The following KDM6B variants were observed in gnomAD, a reference collection of about 807,000 sequenced individuals.
KDM6B encodes lysine-specific demethylase 6B.
Under a neutral mutation model 150.4 loss-of-function variants are expected in KDM6B, and 22 were observed. The ratio of observed to expected loss-of-function variants is 0.15; its 90% confidence interval spans 0.10 to 0.21. The LOEUF (loss-of-function observed/expected upper bound fraction) is 0.21, where lower values mean the gene tolerates loss of function less well. Among genes scored for constraint, KDM6B ranks in the 10% least tolerant of loss-of-function variants. KDM6B has a pLI of 1.00. For missense variants in KDM6B, 1,984 were observed against 2,234.3 expected, an observed-to-expected ratio of 0.89 and a Z score of 2.26; for synonymous variants, 1,148 against 921.1, an observed-to-expected ratio of 1.25 and a Z score of -4.46.
In KDM6B at chr17:7,847,107, G is replaced by A. The variant is rs759516965; in HGVS notation, c.912G>A (p.Glu304=). 1.9e-6 allele frequency: 3 copies of A among 1,612,342 alleles called. No individual in the cohort carries two copies. The highest frequency in any genetic ancestry group is 1.1e-5 in the South Asian group (1 of 91,072). The change falls in exon 11 of 24, where the codon GAG becomes GAA. Residue 304 remains glutamate (E), a splice_region_variant and synonymous_variant. Coordinates refer to ENST00000448097, the MANE Select transcript of KDM6B (RefSeq NM_001348716.2). ...RKGSAPPERQ[E]QRHSLPHPYP... ...GCATCCCTGTTTATCTCCTATAGGA[G>A]CAGCGGCACTCGCTGCCTCACCCAT...
chr17:7,842,907 G>A (rs985636806), intron 2 of KDM6B, among the ~76,000 whole-genome samples: 2 of 152,138 alleles, frequency 1.3e-5, no homozygotes, highest in African/African-American at 2.4e-5. Flanking sequence ...CCTGGGTCCC[G>A]GGTGCGGACA....
intron 14 of KDM6B, among the ~76,000 whole-genome samples, chr17:7,850,622 GAATCTTT>G (rs1409282617): frequency 1.3e-5 from 2 of 152,198 alleles, no homozygotes; most frequent in Non-Finnish European, 2.9e-5. Flanking sequence ...TCACTTGACT[GAATCTTT>G]AATCTTTAAT....
chr17:7,850,921 C>T (rs971687109), intron 14 of KDM6B, 100 bp from the exon 15 acceptor site: 1 of 1,083,358 alleles, frequency 9.2e-7, no homozygotes, highest in Non-Finnish European at 1.4e-6. Flanking sequence ...CTATGACCAC[C>T]CTGTCAGAGC....
In KDM6B at chr17:7,852,488, C is replaced by T. The variant is rs982250603; in HGVS notation, c.4469-7C>T. On this transcript the variant is annotated splice_polypyrimidine_tract_variant and splice_region_variant and intron_variant, in intron 20 of 23. Transcript: ENST00000448097. Reference sequence around the variant, plus strand: ...AGAGTCCTGTTGTGATCGCCTTTGGCCCGCAGCCTATCAGTACCAGCTGGC... The same window carrying T: ...AGAGTCCTGTTGTGATCGCCTTTGGTCCGCAGCCTATCAGTACCAGCTGGC... The T allele has an allele frequency of 1.9e-6, 3 of 1,605,576 alleles. No homozygotes were observed. The highest frequency in any genetic ancestry group is 2.6e-6 in the Non-Finnish European group (3 of 1,176,212).
chr17:7,854,783 A>C lies in KDM6B; in HGVS notation c.*1262A>C, dbSNP rs2078778006. On this transcript the variant is annotated 3_prime_UTR_variant, in exon 24 of 24. Coordinates refer to ENST00000448097, the MANE Select transcript of KDM6B (RefSeq NM_001348716.2). ...GTGAGAATATTAATATTAAAAATAA[A>C]CGGAGAAAAAAAATCCTGTTTCGCT... 1.2e-5 allele frequency: 5 copies of C among 401,452 alleles called. No homozygotes were observed. The Admixed American group carries it at 2.1e-4, about 17-fold the overall frequency. The allele number at this position is 401,452 out of a possible 1,614,324, so 24.9% of individuals were successfully genotyped here.
Position 7,849,317 on chromosome 17 carries a change from C to G in KDM6B, c.3029C>G (p.Pro1010Arg), listed in dbSNP as rs866173757. ...AGGGCAAAGGCCAAGGCCAAGGTCCCCAAAGAAAAGAGCCGCCGGGTGCTG... is the reference window on the plus strand; with the variant it reads ...AGGGCAAAGGCCAAGGCCAAGGTCCGCAAAGAAAAGAGCCGCCGGGTGCTG... ...EGRAKAKAKVPKEKSRRVLGN... is the reference protein window; with the variant it reads ...EGRAKAKAKVRKEKSRRVLGN... Residue 1010 changes from proline to arginine, a missense_variant, in exon 12 of 24, where the codon CCC becomes CGC. Pro to Arg is a moderately radical substitution (Grantham distance 103). Around this residue, in one of 13 missense-constraint regions of KDM6B, gnomAD observed 1,379 missense variants for 1,275.6 expected, o/e 1.08. Transcript: ENST00000448097. 1.3e-6 allele frequency: 2 copies of G among 1,565,094 alleles called. No individual in the cohort carries two copies. Among genetic ancestry groups the G allele is most frequent in the Middle Eastern group, 1.7e-4 (1 of 5,922 alleles).
intron 7 of KDM6B, 29 bp from the exon 8 acceptor site, chr17:7,846,371 G>GGGCCGGGGCCCGGGCCCCCC: frequency 6.7e-7 from 1 of 1,488,924 alleles, no homozygotes; most frequent in Non-Finnish European, 9.2e-7. Flanking sequence ...CCTGACATCT[G>GGGCCGGGGCCCGGGCCCCCC]CCCCTGCCCC....
intron 18 of KDM6B, 71 bp from the exon 19 acceptor site, chr17:7,851,880 C>T: frequency 3.8e-6 from 6 of 1,588,548 alleles, no homozygotes; most frequent in Admixed American, 1.8e-5. Flanking sequence ...CCAATGAGGG[C>T]AGAGGGCGGG....
In KDM6B at chr17:7,849,138, G is replaced by C; in HGVS notation, c.2850G>C (p.Glu950Asp). ...DTAEPADSGT[E>D]RLLPPAQAKE... Reference sequence around the variant, plus strand: ...CAGAGCCAGCGGACAGTGGGACTGAGCGACTGCTGCCCCCCGCACAGGCCA... The same window carrying C: ...CAGAGCCAGCGGACAGTGGGACTGACCGACTGCTGCCCCCCGCACAGGCCA... Residue 950 changes from glutamate to aspartate, a missense_variant, in exon 12 of 24, where the codon GAG (glutamate) becomes GAC (aspartate). By Grantham distance (45) the Glu-to-Asp change is conservative. Coordinates refer to ENST00000448097, the MANE Select transcript of KDM6B (RefSeq NM_001348716.2). The C allele has an allele frequency of 6.2e-7, 1 of 1,612,192 alleles. No homozygotes were observed. Among genetic ancestry groups the C allele is most frequent in the Non-Finnish European group, 8.5e-7 (1 of 1,179,762 alleles).
Position 7,851,084 on chromosome 17 carries a change from G to A in KDM6B, c.3737G>A (p.Arg1246His), listed in dbSNP as rs760199993. Residue 1246 changes from arginine to histidine, a missense_variant, in exon 15 of 24, where the codon CGC becomes CAC. Arg to His is a conservative substitution (Grantham distance 29). Around this residue, in one of 13 missense-constraint regions of KDM6B, gnomAD observed 25 missense variants for 36.4 expected, o/e 0.69. Coordinates refer to ENST00000448097, the MANE Select transcript of KDM6B (RefSeq NM_001348716.2). ...EASGEHTVEV[R>H]TQVQQPSDEN... ...AGTGGCGAACACACCGTGGAAGTTC[G>A]CACCCAGGTGCAGCAGCCCTCAGAT... The A allele has an allele frequency of 6.2e-7, 1 of 1,613,502 alleles. No individual in the cohort carries two copies. Among genetic ancestry groups the A allele is most frequent in the Non-Finnish European group, 8.5e-7 (1 of 1,180,014 alleles).
At chr17:7,850,505 C>A (rs1168108555) in intron 14 of KDM6B, among the ~76,000 whole-genome samples, 2 of 152,218 alleles carry the variant, frequency 1.3e-5, no homozygotes. Context: ...CAAACACATA[C>A]AAAATTAGAG....
At chr17:7,841,535 CA>C (rs1302468263) in intron 2 of KDM6B, among the ~76,000 whole-genome samples, 11 of 152,208 alleles carry the variant, frequency 7.2e-5, no homozygotes, top group Admixed American at 1.3e-4. Context: ...AGGAGCTAGG[CA>C]GACACACAGA....
chr17:7,843,292 C>T lies in KDM6B; in HGVS notation c.-268-1609C>T, dbSNP rs1025259085. ...GCCTCGGTACTCGGGTGGGGGCAGT[C>T]ACGGAGGGCCATACTTGACCACAGT... On this transcript the variant is annotated intron_variant, in intron 2 of 23. Coordinates refer to ENST00000448097, the MANE Select transcript of KDM6B (RefSeq NM_001348716.2). This position sits in a 1 kb window ranked among gnomAD's most constrained non-coding sequence, Gnocchi z 4.5. Among the ~76,000 whole-genome samples, 1 of 152,162 alleles carries T rather than the reference C, an allele frequency of 6.6e-6. No individual in the cohort carries two copies. The highest frequency in any genetic ancestry group is 1.5e-5 in the Non-Finnish European group (1 of 68,024).
Position 7,851,046 on chromosome 17 carries a change from C to T in KDM6B, c.3699C>T (p.Thr1233=), listed in dbSNP as rs749443254. Residue 1233 remains threonine, a synonymous_variant, in exon 15 of 24, where the codon ACC becomes ACT. Transcript: ENST00000448097. The part of the protein sequence containing the change: ...RLNLGLFSTK[T]LVEASGEHTV... Reference sequence around the variant, plus strand: ...ACTTGGGCCTCTTCTCCACCAAGACCCTGGTGGAAGCGAGTGGCGAACACA... The same window carrying T: ...ACTTGGGCCTCTTCTCCACCAAGACTCTGGTGGAAGCGAGTGGCGAACACA... 2 of 1,611,692 alleles carry T rather than the reference C, an allele frequency of 1.2e-6. No homozygotes were observed. Among genetic ancestry groups the T allele is most frequent in the South Asian group, 1.1e-5 (1 of 90,786 alleles).
Position 7,850,184 on chromosome 17 carries a change from A to G in KDM6B, c.3673+7A>G. ...GCGGGCTCCCTGCGGCTCAGTGAGT[A>G]TGGGGGGCAGAAAGTGTTAGGGAGG... On this transcript the variant is annotated splice_region_variant and intron_variant, in intron 14 of 23. Transcript: ENST00000448097. 1 of 1,609,586 alleles carries G rather than the reference A, an allele frequency of 6.2e-7. No individual in the cohort carries two copies. Among genetic ancestry groups the G allele is most frequent in the Non-Finnish European group, 8.5e-7 (1 of 1,176,844 alleles).
chr17:7,842,816 C>T (rs1411966848), intron 2 of KDM6B, among the ~76,000 whole-genome samples: 1 of 150,468 alleles, frequency 6.6e-6, no homozygotes, highest in Admixed American at 6.6e-5. Context: ...GGGTGACTCA[C>T]GCTCCCCCAC....
intron 2 of KDM6B, among the ~76,000 whole-genome samples, chr17:7,841,700 A>AAC (rs1283588948): frequency 6.6e-6 from 1 of 152,184 alleles, no homozygotes; most frequent in Non-Finnish European, 1.5e-5. Flanking sequence ...CAGACTGGTG[A>AAC]ACACAGCGCC....
Position 7,846,829 on chromosome 17 carries a change from C to T in KDM6B, c.722C>T (p.Pro241Leu), listed in dbSNP as rs771013957. ...RGCNSEQTGL[P>L]PGLPLPPPPL... ...TCTCTTCTCTCCTAGACTGGCCTTC[C>T]CCCAGGGCTGCCACTGCCTCCACCA... Residue 241 changes from proline to leucine, a missense_variant, in exon 10 of 24, where the codon CCC (proline) becomes CTC (leucine). Physicochemically the swap from Pro to Leu is moderately conservative, Grantham distance 98 (BLOSUM62 -3). Coordinates refer to ENST00000448097, the MANE Select transcript of KDM6B (RefSeq NM_001348716.2). 1.9e-6 allele frequency: 3 copies of T among 1,612,284 alleles called. No homozygotes were observed. Among genetic ancestry groups the T allele is most frequent in the Non-Finnish European group, 2.5e-6 (3 of 1,179,798 alleles).
Position 7,853,300 on chromosome 17 carries a change from A to G in KDM6B, c.4828A>G (p.Ser1610Gly). 3.7e-6 allele frequency: 6 copies of G among 1,602,418 alleles called. No homozygotes were observed. The highest frequency in any genetic ancestry group is 5.1e-6 in the Non-Finnish European group (6 of 1,175,366). The change falls in exon 23 of 24, where the codon AGC (serine) becomes GGC (glycine). Residue 1610 changes from serine (S) to glycine (G), a missense_variant. By Grantham distance (56) the Ser-to-Gly change is moderately conservative. Coordinates refer to ENST00000448097, the MANE Select transcript of KDM6B (RefSeq NM_001348716.2). ...CTGCGAGGGCTGTGCCCGGCGCCGC[A>G]GCGCAGGCCTGCAGGGCGTGGTGGT... The part of the protein sequence containing the change: ...VHCEGCARRR[S>G]AGLQGVVVLE...
Sources: gnomAD v4.1 joint callset for allele counts (sites outside exome capture counted in the v4.1 genomes callset) on GRCh38, gnomAD v4.1.1 for gene constraint, gnomAD v4.1.1 regional missense constraint, Gnocchi (gnomAD v3.1) non-coding constraint, MANE v1.5 for transcripts, NCBI Gene and HGNC (gene_info 2026-07-23, HGNC 2026-07-21) for gene names.